PTGER3: variants seen among roughly 807,000 people sequenced by gnomAD.
The protein encoded by PTGER3 is prostaglandin E receptor 3.
In PTGER3, 22 loss-of-function variants were observed where a neutral mutation model predicts 34.7. The ratio of observed to expected loss-of-function variants is 0.63; its 90% CI spans 0.45 to 0.91. The LOEUF (loss-of-function observed/expected upper bound fraction) is 0.91, where lower values mean the gene tolerates loss of function less well. Ranked by LOEUF, PTGER3 falls within the 40% of genes least tolerant of loss-of-function variation. The pLI, the probability that PTGER3 is intolerant of heterozygous loss-of-function variation, is 0.00. For missense variants in PTGER3, 468 were observed against 519.4 expected (o/e 0.90, Z 0.96); for synonymous variants, 241 against 230.1 (o/e 1.05, Z -0.43).
intron 4 of PTGER3, among the ~76,000 whole-genome samples, chr1:70,924,753 T>C (rs1272228229): frequency 6.6e-6 from 1 of 152,194 alleles, no homozygotes; most frequent in Non-Finnish European, 1.5e-5. Context: ...ATGGCTGCTC[T>C]GTCTATGGAG....
intron 2 of PTGER3, among the ~76,000 whole-genome samples, chr1:70,994,983 G>T (rs1158504646): frequency 6.6e-6 from 1 of 152,064 alleles, no homozygotes; most frequent in Non-Finnish European, 1.5e-5. Context: ...ATTCAAGAAG[G>T]TAACCATCCA....
chr1:70,913,748 T>A (rs1480230799), intron 4 of PTGER3, among the ~76,000 whole-genome samples: 1 of 151,934 alleles, frequency 6.6e-6, no homozygotes, highest in Non-Finnish European at 1.5e-5. Context: ...ATGTGGTTTT[T>A]CTTCTTGAGT....
intron 2 of PTGER3, chr1:71,008,294 G>A: frequency 1.1e-6 from 1 of 888,152 alleles, no homozygotes; most frequent in Non-Finnish European, 1.3e-6. Context: ...AAGAAAATGT[G>A]TGACATAAAT....
intron 4 of PTGER3, among the ~76,000 whole-genome samples, chr1:70,927,139 TC>T (rs1648177187): frequency 6.6e-6 from 1 of 152,244 alleles, no homozygotes; most frequent in African/African-American, 2.4e-5. Flanking sequence ...GGTCTAAAAT[TC>T]TCTTTTTTGG....
intron 2 of PTGER3, among the ~76,000 whole-genome samples, chr1:70,977,671 C>A (rs888675428): frequency 6.6e-6 from 1 of 152,024 alleles, no homozygotes; most frequent in Admixed American, 6.6e-5. Context: ...TACAGGTCAT[C>A]CCGCTCCCAT....
In PTGER3 at chr1:71,032,942, C is replaced by T. The variant is rs541488041; in HGVS notation, c.897+13739G>A. Among the ~76,000 whole-genome samples, 55 of 152,300 alleles carry T rather than the reference C, an allele frequency of 3.6e-4. No homozygotes were observed. In the South Asian group the frequency reaches 9.5e-3, roughly 26 times the overall value. ...ACCTAGCCTGGAAATCAGCATGCTC[C>T]AGATCTTCTGGGGATCACGAATCTT... On this transcript the variant is annotated intron_variant, in intron 1 of 3. Transcript: ENST00000306666.
intron 4 of PTGER3, among the ~76,000 whole-genome samples, chr1:70,906,275 C>CAT (rs1646946198): frequency 6.6e-6 from 1 of 152,122 alleles, no homozygotes; most frequent in African/African-American, 2.4e-5. Context: ...ACTTTGAAAA[C>CAT]TGTAAGGACA....
chr1:70,947,437 C>T, downstream of PTGER3: 1 of 153,914 alleles, frequency 6.5e-6, no homozygotes, highest in Non-Finnish European at 1.4e-5. Context: ...CCTTTCAGCT[C>T]CCACCATAAT....
At position 71,012,657 on chromosome 1, in the gene PTGER3, C is replaced by T. The variant is rs376117469; in HGVS notation, c.898-173G>A. ...CAGTCCTGAATTATACAAGACATTC[C>T]TAGGTATTTTCCCACATTTGTGGCT... On this transcript the variant is annotated intron_variant, in intron 1 of 3. Transcript: ENST00000306666. 3.6e-4 allele frequency among the ~76,000 whole-genome samples: 55 copies of T among 152,212 alleles called. 1 individual carries two copies. Among genetic ancestry groups the T allele is most frequent in the African/African-American group, 1.3e-3 (53 of 41,546 alleles).
chr1:70,910,949 G>C (rs527721984), intron 4 of PTGER3, among the ~76,000 whole-genome samples: 4 of 151,990 alleles, frequency 2.6e-5, no homozygotes, highest in Admixed American at 1.3e-4. Flanking sequence ...AGGCATGGTG[G>C]TGTGCCTGTA....
chr1:70,971,680 A>G lies in PTGER3; in HGVS notation c.*50T>C. The G allele has an allele frequency of 6.4e-7, 1 of 1,551,992 alleles. No individual in the cohort carries two copies. The highest frequency in any genetic ancestry group is 1.3e-5 in the South Asian group (1 of 77,816). ...CCTTCTCAGGTGGGAAGAAATATGC[A>G]AATTCAGGGAAGCAGGAATTGCAAT... is the stretch of plus-strand genomic sequence containing the variant. On this transcript the variant is annotated 3_prime_UTR_variant, in exon 4 of 4. Transcript: ENST00000306666.
At chr1:70,997,213 A>C (rs1656072178) in intron 2 of PTGER3, 1 of 152,222 alleles carries the variant, frequency 6.6e-6, no homozygotes, top group Non-Finnish European at 1.5e-5. Flanking sequence ...TGAAAGATGC[A>C]GTGAGCAGAG....
intron 4 of PTGER3, among the ~76,000 whole-genome samples, chr1:70,941,431 T>A (rs544073178): frequency 1.3e-5 from 2 of 152,340 alleles, no homozygotes; most frequent in African/African-American, 4.8e-5. Flanking sequence ...ATAGTTGACC[T>A]CATCTCCATG....
chr1:70,988,884 A>C (rs1313042581), intron 2 of PTGER3, among the ~76,000 whole-genome samples: 2 of 152,214 alleles, frequency 1.3e-5, no homozygotes. Flanking sequence ...AAAGGAAACC[A>C]AGAGCTTTCA....
chr1:71,009,644 T>C, intron 2 of PTGER3: 3 of 985,244 alleles, frequency 3.0e-6, no homozygotes, highest in Non-Finnish European at 2.4e-6. Context: ...TACATATATT[T>C]CTACATTTCA....
At chr1:70,858,051 C>T (rs1645847820) in intron 4 of PTGER3, among the ~76,000 whole-genome samples, 2 of 152,148 alleles carry the variant, frequency 1.3e-5, no homozygotes, top group African/African-American at 4.8e-5. Context: ...GTGAATGTCT[C>T]AAGAACCACT....
At chr1:70,879,300 G>A (rs1233531072) in intron 4 of PTGER3, among the ~76,000 whole-genome samples, 1 of 152,078 alleles carries the variant, frequency 6.6e-6, no homozygotes, top group Non-Finnish European at 1.5e-5. Context: ...AGGCTGGAGT[G>A]CAGTGGCATG....
At chr1:70,889,414 CAA>C (rs372750310) in intron 4 of PTGER3, among the ~76,000 whole-genome samples, 2 of 63,610 alleles carry the variant, frequency 3.1e-5, no homozygotes, top group Admixed American at 1.9e-4. Context: ...GACTCCATCT[CAA>C]AAAAAAAAAA....
At chr1:70,905,980 G>T (rs1412968048) in intron 4 of PTGER3, among the ~76,000 whole-genome samples, 8 of 152,058 alleles carry the variant, frequency 5.3e-5, no homozygotes, top group Non-Finnish European at 1.5e-5. Context: ...GAATTATGGG[G>T]GTGGCTCTTT....
Sources: allele counts gnomAD v4.1 joint callset (sites outside exome capture counted in the v4.1 genomes callset), GRCh38; gene constraint gnomAD v4.1.1; transcripts MANE v1.5; gene names NCBI Gene and HGNC (gene_info 2026-07-23, HGNC 2026-07-21).